The following ARFGEF1 variants were observed in gnomAD, a reference collection of about 807,000 sequenced individuals.
ARFGEF1 encodes the protein ARF guanine nucleotide exchange factor 1.
A neutral mutation model predicts 231.0 loss-of-function variants in ARFGEF1; 42 were observed. That is an observed-to-expected ratio of 0.18 (90% CI 0.14 to 0.24). ARFGEF1 has a LOEUF of 0.24. ARFGEF1 is among the 10% of genes least tolerant of loss of function. The pLI is 1.00. For synonymous variants in ARFGEF1, 710 were observed against 732.3 expected (o/e 0.97, Z 0.49); for missense variants, 1,345 against 2,192.0 (o/e 0.61, Z 7.72).
At chr8:67,286,413 A>AT (rs919886672) in intron 7 of ARFGEF1, among the ~76,000 whole-genome samples, 14 of 152,068 alleles carry the variant, frequency 9.2e-5, no homozygotes, top group Non-Finnish European at 1.3e-4. Flanking sequence ...ATGCTGGTGA[A>AT]TTTTTTTTAT....
chr8:67,305,094 C>T (rs905497025), intron 1 of ARFGEF1, among the ~76,000 whole-genome samples: 1 of 152,056 alleles, frequency 6.6e-6, no homozygotes, highest in African/African-American at 2.4e-5. Context: ...CTAGGAATAT[C>T]AGAGGAAATG....
At chr8:67,178,787 A>G (rs1046071089) in intron 5 of ARFGEF1, among the ~76,000 whole-genome samples, 3 of 152,158 alleles carry the variant, frequency 2.0e-5, no homozygotes, top group Non-Finnish European at 4.4e-5. Flanking sequence ...AGTTGGGCAC[A>G]TGGGGCAGGG....
At chr8:67,224,836 AAAG>A (rs1201964523) in intron 29 of ARFGEF1, 64 bp downstream of exon 29, 14 of 1,167,714 alleles carry the variant, frequency 1.2e-5, no homozygotes, top group East Asian at 2.7e-5. Context: ...TTGTGTTTAT[AAAG>A]AAGAGTTAAT....
intron 5 of ARFGEF1, among the ~76,000 whole-genome samples, chr8:67,294,191 C>T (rs1806132886): frequency 6.6e-6 from 1 of 152,000 alleles, no homozygotes; most frequent in South Asian, 2.1e-4. Context: ...AGCTTATATG[C>T]AAATATTACA....
intron 25 of ARFGEF1, 36 bp from the exon 26 acceptor site, chr8:67,227,634 T>C (rs1029395964): frequency 2.5e-6 from 4 of 1,587,322 alleles, no homozygotes; most frequent in African/African-American, 1.4e-5. Flanking sequence ...TGCTAATTAA[T>C]ATCAGCAGTA....
At chr8:67,197,486 A>G (rs942603924), downstream of ARFGEF1, among the ~76,000 whole-genome samples, 1 of 152,190 alleles carries the variant, frequency 6.6e-6, no homozygotes, top group Non-Finnish European at 1.5e-5. Flanking sequence ...TGCCTTAAAA[A>G]TAAGTATCCT....
intron 3 of ARFGEF1, among the ~76,000 whole-genome samples, chr8:67,299,879 G>A (rs1345587321): frequency 6.6e-6 from 1 of 151,912 alleles, no homozygotes; most frequent in Non-Finnish European, 1.5e-5. Context: ...GAGGTGAGAG[G>A]ACTGCTTGAG....
rs192371014 is a variant in ARFGEF1, at chr8:67,303,262, G to A, written c.125-796C>T. ...ACCAGAACTATAACTTCTTAAATATGTTTGTGCATTGATATTTAACTCATT... is the reference window on the plus strand; with the variant it reads ...ACCAGAACTATAACTTCTTAAATATATTTGTGCATTGATATTTAACTCATT... On this transcript the variant is annotated intron_variant, in intron 1 of 38. Transcript: ENST00000262215. Among the ~76,000 whole-genome samples, 3 of 152,218 alleles carry A rather than the reference G, an allele frequency of 2.0e-5. No individual in the cohort carries two copies. The East Asian group carries it at 5.8e-4, about 29-fold the overall frequency.
At chr8:67,252,656 C>G (rs1319268964) in intron 18 of ARFGEF1, among the ~76,000 whole-genome samples, 1 of 152,146 alleles carries the variant, frequency 6.6e-6, no homozygotes, top group African/African-American at 2.4e-5. Context: ...TCATCTCATT[C>G]CTGTAGTCAG....
At chr8:67,311,561 G>A (rs1481251086) in intron 1 of ARFGEF1, among the ~76,000 whole-genome samples, 1 of 146,612 alleles carries the variant, frequency 6.8e-6, no homozygotes, top group African/African-American at 2.5e-5. Flanking sequence ...CTGGGAGGGA[G>A]ATGGGGGGGT....
chr8:67,282,713 T>G (rs2128904017), intron 7 of ARFGEF1, among the ~76,000 whole-genome samples: 1 of 152,024 alleles, frequency 6.6e-6, no homozygotes, highest in South Asian at 2.1e-4. Context: ...CCGGGCATGG[T>G]GGTGTGCACC....
intron 36 of ARFGEF1, among the ~76,000 whole-genome samples, chr8:67,202,741 T>C (rs1242422381): frequency 1.3e-5 from 2 of 152,170 alleles, no homozygotes; most frequent in East Asian, 3.8e-4. Context: ...ATGCCAGGTT[T>C]TGTGTGTGCG....
chr8:67,257,761 T>C lies in ARFGEF1; in HGVS notation c.2497A>G (p.Met833Val), dbSNP rs1191036972. ...GGACTGTGAAGGTCTGTGGTCAACA[T>C]GATAATTGAATAAGCCAAAACATAA... ...TAYVLAYSII[M>V]LTTDLHSPQV... Residue 833 changes from methionine (M) to valine (V), a missense_variant, in exon 17 of 39, where the codon ATG (methionine) becomes GTG (valine). This residue lies in a region of ARFGEF1 where 58 missense variants were observed against 133.6 expected (regional missense o/e 0.43). Transcript: ENST00000262215. The C allele has an allele frequency of 1.2e-6, 2 of 1,609,714 alleles. No individual in the cohort carries two copies. Among genetic ancestry groups the C allele is most frequent in the African/African-American group, 2.7e-5 (2 of 74,686 alleles).
intron 5 of ARFGEF1, among the ~76,000 whole-genome samples, chr8:67,185,823 A>G (rs1272916968): frequency 6.6e-6 from 1 of 152,216 alleles, no homozygotes; most frequent in Non-Finnish European, 1.5e-5. Flanking sequence ...CCAGCCAGAA[A>G]TGCATAAAAG....
chr8:67,191,680 T>A (rs1234845734), intron 5 of ARFGEF1, among the ~76,000 whole-genome samples: 1 of 152,242 alleles, frequency 6.6e-6, no homozygotes, highest in African/African-American at 2.4e-5. Context: ...AATAGATATT[T>A]GGGTTGTTTT....
chr8:67,176,949 T>C (rs1831810884), intron 5 of ARFGEF1, among the ~76,000 whole-genome samples: 2 of 151,804 alleles, frequency 1.3e-5, no homozygotes, highest in South Asian at 2.1e-4. Flanking sequence ...CGTGTGCCTG[T>C]AGTCCCAGCT....
At chr8:67,174,388 T>A (rs1328140719), downstream of ARFGEF1, 2 of 152,100 alleles carry the variant, frequency 1.3e-5, no homozygotes, top group East Asian at 1.9e-4. Context: ...ATTCCAGCAG[T>A]GTAATTAGTG....
At chr8:67,322,404 T>C (rs752733162) in intron 1 of ARFGEF1, among the ~76,000 whole-genome samples, 9 of 152,220 alleles carry the variant, frequency 5.9e-5, no homozygotes, top group East Asian at 1.9e-4. Context: ...CTAGAATAAA[T>C]AGCTGTTATC....
At chr8:67,253,688 T>C in intron 17 of ARFGEF1, 66 bp from the exon 18 acceptor site, 2 of 850,004 alleles carry the variant, frequency 2.4e-6, no homozygotes, top group East Asian at 3.1e-5. Flanking sequence ...ATTTTAAGGA[T>C]ATGAATATTT....
Sources: allele counts gnomAD v4.1 joint callset (sites outside exome capture counted in the v4.1 genomes callset), GRCh38; gene constraint gnomAD v4.1.1; regional missense constraint gnomAD v4.1.1; transcripts MANE v1.5; gene names NCBI Gene and HGNC (gene_info 2026-07-23, HGNC 2026-07-21).